The following MECR variants were observed in gnomAD, a reference collection of about 807,000 sequenced individuals.
The protein encoded by MECR is enoyl-[acyl-carrier-protein] reductase, mitochondrial.
In MECR, 37 loss-of-function variants were observed where a neutral mutation model predicts 49.1. The ratio of observed to expected loss-of-function variants is 0.75; its 90% CI spans 0.58 to 0.99. The LOEUF (loss-of-function observed/expected upper bound fraction) is 0.99. Among genes scored for constraint, MECR ranks in the 50% least tolerant of loss-of-function variants. The pLI is 0.00. For missense variants in MECR, 470 were observed against 479.6 expected, an observed-to-expected ratio of 0.98 and a Z score of 0.19; for synonymous variants, 198 against 191.1, an observed-to-expected ratio of 1.04 and a Z score of -0.30.
At chr1:29,178,086 G>C in the MECR span, among the ~76,000 whole-genome samples, 1 of 151,422 alleles carries the variant, frequency 6.6e-6, no homozygotes, top group Admixed American at 6.6e-5. Context: ...TTTTAGTAGA[G>C]ATGGGGTTTC....
chr1:29,191,859 CGAG>C (rs1673142791), downstream of MECR, among the ~76,000 whole-genome samples: 1 of 152,030 alleles, frequency 6.6e-6, no homozygotes, highest in Non-Finnish European at 1.5e-5. Flanking sequence ...TTTGGGAGGC[CGAG>C]GTGGGTGGAT....
chr1:29,215,868 TC>T (rs1397227352), intron 3 of MECR, 136 bp downstream of exon 3: 1 of 1,080,186 alleles, frequency 9.3e-7, no homozygotes, highest in Non-Finnish European at 1.3e-6. Context: ...CAAAACTCCG[TC>T]TCAAAATAAA....
At chr1:29,206,654 C>T in intron 4 of MECR, 108 bp downstream of exon 4, 1 of 1,284,356 alleles carries the variant, frequency 7.8e-7, no homozygotes, top group Non-Finnish European at 1.1e-6. Flanking sequence ...AGGTCCATCA[C>T]CCCCTCAAAA....
chr1:29,217,812 G>A (rs1679856445), intron 1 of MECR, among the ~76,000 whole-genome samples: 1 of 152,180 alleles, frequency 6.6e-6, no homozygotes, highest in Non-Finnish European at 1.5e-5. Flanking sequence ...TGCAGAGTGT[G>A]GGCGTAATGG....
chr1:29,199,377 G>A (rs1260103323), intron 7 of MECR, among the ~76,000 whole-genome samples: 5 of 152,106 alleles, frequency 3.3e-5, no homozygotes, highest in East Asian at 1.9e-4. Context: ...ACAGGTGCCC[G>A]CCACCACACC....
intron 1 of MECR, among the ~76,000 whole-genome samples, chr1:29,225,350 C>T (rs1310658702): frequency 6.6e-6 from 1 of 152,074 alleles, no homozygotes; most frequent in African/African-American, 2.4e-5. Flanking sequence ...ACTTTCTCTC[C>T]TCATACACTG....
chr1:29,176,434 C>T, the MECR span, among the ~76,000 whole-genome samples: 4 of 148,568 alleles, frequency 2.7e-5, no homozygotes, highest in African/African-American at 5.0e-5. Context: ...AATACGGTAA[C>T]GATGAATGAC....
chr1:29,189,396 T>TGG (rs34552321), downstream of MECR, among the ~76,000 whole-genome samples: 535 of 147,328 alleles, frequency 3.6e-3, no homozygotes, highest in African/African-American at 8.4e-3. Flanking sequence ...AGAGATGGGT[T>TGG]GGGGGGGGGT....
At chr1:29,176,122 C>T in the MECR span, among the ~76,000 whole-genome samples, 126 of 151,684 alleles carry the variant, frequency 8.3e-4, no homozygotes, top group Non-Finnish European at 1.5e-3. Context: ...CGTGGTGGCA[C>T]GCGCCTGTAG....
rs899070369 is a variant in MECR, at chr1:29,200,451, T to C, written c.830+65A>G. On this transcript the variant is annotated intron_variant, in intron 7 of 9. Coordinates refer to ENST00000263702, the MANE Select transcript of MECR (RefSeq NM_016011.5). Reference sequence around the variant, plus strand: ...CTGGCGATGGGACTCAGTCACTTGATGGTCCTCCCAGCTAAAGACCTGGAG... The same window carrying C: ...CTGGCGATGGGACTCAGTCACTTGACGGTCCTCCCAGCTAAAGACCTGGAG... 2.6e-5 allele frequency: 39 copies of C among 1,486,588 alleles called. No homozygotes were observed. In the African/African-American group the frequency reaches 4.1e-4, roughly 16 times the overall value. The allele number at this position is 1,486,588 out of a possible 1,614,324, so 92.1% of individuals were successfully genotyped here. A position where few individuals can be genotyped will look rare whatever the true frequency, so the allele number is the denominator to read the frequency against.
the MECR span, chr1:29,169,059 T>C: frequency 1.3e-5 from 2 of 152,272 alleles, no homozygotes; most frequent in African/African-American, 2.4e-5. Flanking sequence ...AGGACTCTTC[T>C]TCACATTTCT....
chr1:29,212,893 T>C (rs903539870), intron 3 of MECR, among the ~76,000 whole-genome samples: 2 of 152,220 alleles, frequency 1.3e-5, no homozygotes, highest in African/African-American at 4.8e-5. Context: ...CACCCTGAGC[T>C]ACCTGCAGTT....
chr1:29,207,032 C>CT, intron 3 of MECR, 127 bp from the exon 4 acceptor site: 6 of 954,766 alleles, frequency 6.3e-6, no homozygotes, highest in Non-Finnish European at 9.3e-6. Context: ...TCCAGGATAG[C>CT]ATCCAGGATG....
At chr1:29,223,399 T>C (rs1048282852) in intron 1 of MECR, 12 of 461,004 alleles carry the variant, frequency 2.6e-5, no homozygotes, top group Non-Finnish European at 5.7e-6. Flanking sequence ...CTAGCTCTGC[T>C]GAGATATCTT....
rs1456625230 is a variant in MECR at position 29,193,508 on chromosome 1, C to G, written c.*514G>C. 6.4e-6 allele frequency: 1 copy of G among 157,230 alleles called. No homozygotes were observed. Among genetic ancestry groups the G allele is most frequent in the East Asian group, 1.9e-4 (1 of 5,248 alleles). The allele number at this position is 157,230 out of a possible 1,614,324, so 9.7% of individuals were successfully genotyped here. On this transcript the variant is annotated 3_prime_UTR_variant, in exon 10 of 10. Coordinates refer to ENST00000263702, the MANE Select transcript of MECR (RefSeq NM_016011.5). ...CCAAGTTCCTCAGGGCCCTGATGAC[C>G]TCAGCCTGGCATTCACTCTTCCATG...
At chr1:29,175,628 G>C in the MECR span, among the ~76,000 whole-genome samples, 1 of 135,380 alleles carries the variant, frequency 7.4e-6, no homozygotes, top group African/African-American at 2.8e-5. Context: ...CCAGGAGGCG[G>C]AGCTTGCAGT....
At chr1:29,171,190 G>C in the MECR span, 1 of 151,882 alleles carries the variant, frequency 6.6e-6, no homozygotes. Flanking sequence ...CTGAGGAGGA[G>C]AATCACTAGC....
At chr1:29,223,179 C>G in intron 1 of MECR, 1 of 985,390 alleles carries the variant, frequency 1.0e-6, no homozygotes. Flanking sequence ...CCATGCAACT[C>G]GAGGGGATGC....
At chr1:29,173,466 C>CTTTTTTTTTT in the MECR span, 1 of 73,068 alleles carries the variant, frequency 1.4e-5, no homozygotes, top group African/African-American at 5.2e-5. Flanking sequence ...TTTTTTTTTT[C>CTTTTTTTTTT]TTTTTTTTTT....
Sources: gnomAD v4.1 joint callset for allele counts (sites outside exome capture counted in the v4.1 genomes callset) on GRCh38, gnomAD v4.1.1 for gene constraint, MANE v1.5 for transcripts, NCBI Gene and HGNC (gene_info 2026-07-23, HGNC 2026-07-21) for gene names.